The following PDS5A variants were observed in gnomAD, a reference collection of about 807,000 sequenced individuals.
PDS5A encodes sister chromatid cohesion protein PDS5 homolog A.
A neutral mutation model predicts 167.1 loss-of-function variants in PDS5A; 42 were observed. The observed-to-expected ratio is 0.25, with a 90% CI of 0.20 to 0.33. PDS5A has a LOEUF of 0.33. Among genes scored for constraint, PDS5A ranks in the 10% least tolerant of loss-of-function variants. The pLI is 1.00. For missense variants in PDS5A, 1,033 were observed against 1,605.9 expected (o/e 0.64, Z 6.10); for synonymous variants, 553 against 554.6 (o/e 1.00, Z 0.04).
chr4:39,893,614 C>T (rs1388434241), intron 16 of PDS5A, among the ~76,000 whole-genome samples: 3 of 152,208 alleles, frequency 2.0e-5, no homozygotes, highest in South Asian at 4.1e-4. Flanking sequence ...CTTTATTCTT[C>T]TACATCAGAA....
At chr4:39,953,197 C>T (rs1195046495) in intron 2 of PDS5A, among the ~76,000 whole-genome samples, 1 of 152,212 alleles carries the variant, frequency 6.6e-6, no homozygotes, top group East Asian at 1.9e-4. Context: ...TAGGACACAA[C>T]AACCGCTCCA....
intron 13 of PDS5A, 93 bp downstream of exon 13, chr4:39,902,254 G>T: frequency 1.7e-6 from 1 of 596,552 alleles, no homozygotes; most frequent in Non-Finnish European, 3.0e-6. Flanking sequence ...TATAGAAGCA[G>T]CAACAATCCA....
At chr4:39,898,121 A>G (rs1001598366) in intron 16 of PDS5A, 23 of 1,166,416 alleles carry the variant, frequency 2.0e-5, no homozygotes, top group African/African-American at 1.7e-4. Flanking sequence ...TCATTACTCA[A>G]TGAATGTCTA....
intron 2 of PDS5A, among the ~76,000 whole-genome samples, chr4:39,939,454 G>A (rs890303798): frequency 3.3e-5 from 5 of 149,262 alleles, no homozygotes; most frequent in African/African-American, 1.2e-4. Context: ...GCGACAGAGT[G>A]AGACCCTTTC....
At chr4:39,962,339 A>T (rs1333866338) in intron 2 of PDS5A, among the ~76,000 whole-genome samples, 5 of 152,154 alleles carry the variant, frequency 3.3e-5, no homozygotes, top group Non-Finnish European at 4.4e-5. Flanking sequence ...TACAGGCGTA[A>T]GCCACCGCGC....
chr4:39,938,583 TTTTTA>T (rs1303608308), intron 2 of PDS5A, among the ~76,000 whole-genome samples: 1 of 151,682 alleles, frequency 6.6e-6, no homozygotes, highest in Non-Finnish European at 1.5e-5. Flanking sequence ...ATGTCTGAAG[TTTTTA>T]TTTTAACAAC....
chr4:39,867,765 CACACACACA>C (rs1158727642), intron 22 of PDS5A, among the ~76,000 whole-genome samples: 28 of 149,838 alleles, frequency 1.9e-4, no homozygotes, highest in African/African-American at 4.4e-4. Context: ...CACACACACA[CACACACACA>C]CCCCACAACT....
chr4:39,961,872 T>C (rs1293453927), intron 2 of PDS5A, among the ~76,000 whole-genome samples: 1 of 152,214 alleles, frequency 6.6e-6, no homozygotes, highest in African/African-American at 2.4e-5. Flanking sequence ...TTCATACATG[T>C]CAATGTTACT....
chr4:39,878,399 T>A (rs1720653727), intron 18 of PDS5A, among the ~76,000 whole-genome samples: 1 of 151,946 alleles, frequency 6.6e-6, no homozygotes, highest in African/African-American at 2.4e-5. Flanking sequence ...ATCGAGACCA[T>A]CCTGGCTAAC....
At chr4:39,954,131 A>G (rs561412900) in intron 2 of PDS5A, among the ~76,000 whole-genome samples, 2 of 152,054 alleles carry the variant, frequency 1.3e-5, no homozygotes, top group African/African-American at 4.8e-5. Context: ...GCTAGAGCCT[A>G]GGAGTTTGAC....
At chr4:39,934,167 A>C (rs1462912738) in intron 2 of PDS5A, among the ~76,000 whole-genome samples, 5 of 152,120 alleles carry the variant, frequency 3.3e-5, no homozygotes, top group Admixed American at 2.0e-4. Flanking sequence ...CCTACTTAAG[A>C]GCTCCAGGGT....
Position 39,890,295 on chromosome 4 carries a change from G to T in PDS5A, c.1840C>A (p.Leu614Met). The T allele has an allele frequency of 1.3e-6, 2 of 1,583,996 alleles. No homozygotes were observed. Among genetic ancestry groups the T allele is most frequent in the Non-Finnish European group, 1.7e-6 (2 of 1,163,522 alleles). ...TGCACAGGTGCGATTCTTTCCAACA[G>T]AAATTTGACCATCTCTAGAAAAGGA... ...TNPFLEMVKF[L>M]LERIAPVHID... Residue 614 changes from leucine (L) to methionine (M), a missense_variant, in exon 17 of 33, where the codon CTG becomes ATG. Leu to Met is a conservative substitution (Grantham distance 15, BLOSUM62 2). Around this residue, in one of 4 missense-constraint regions of PDS5A, gnomAD observed 367 missense variants for 686.7 expected, o/e 0.53. Transcript: ENST00000303538.
intron 16 of PDS5A, among the ~76,000 whole-genome samples, chr4:39,890,920 A>G (rs1468768436): frequency 6.6e-6 from 1 of 151,952 alleles, no homozygotes; most frequent in East Asian, 2.0e-4. Flanking sequence ...CACCTGGACT[A>G]TGGCAACCTT....
intron 2 of PDS5A, among the ~76,000 whole-genome samples, chr4:39,961,240 A>G (rs1729449900): frequency 6.6e-6 from 1 of 152,154 alleles, no homozygotes; most frequent in African/African-American, 2.4e-5. Context: ...CACTCACTCC[A>G]TTAATTTTAT....
chr4:39,969,858 G>A (rs982316771), intron 2 of PDS5A, among the ~76,000 whole-genome samples: 3 of 151,852 alleles, frequency 2.0e-5, no homozygotes, highest in African/African-American at 7.3e-5. Flanking sequence ...AACAGACACG[G>A]TATCTGTATT....
chr4:39,909,126 T>C (rs941177371), intron 10 of PDS5A, among the ~76,000 whole-genome samples: 5 of 144,418 alleles, frequency 3.5e-5, no homozygotes, highest in Non-Finnish European at 7.8e-5. Flanking sequence ...TTTTAATTTT[T>C]ATTTTTTGTT....
intron 25 of PDS5A, 120 bp from the exon 26 acceptor site, chr4:39,862,453 T>C: frequency 1.9e-6 from 1 of 528,242 alleles, no homozygotes. Flanking sequence ...ACATGATACC[T>C]GGATACTAAA....
chr4:39,949,301 CAAAAAAAA>C lies in PDS5A; in HGVS notation c.139-21145_139-21138del, dbSNP rs71645201. On this transcript the variant is annotated intron_variant, in intron 2 of 32. Transcript: ENST00000303538. Reference sequence around the variant, plus strand: ...TGGATGAAAGAGCAAGAACCTATCTCAAAAAAAAAAAAAAAAAAAAGAACTGATGGTAT... The same window carrying C: ...TGGATGAAAGAGCAAGAACCTATCTCAAAAAAAAAAAAGAACTGATGGTAT... Among the ~76,000 whole-genome samples, 12 of 93,910 alleles carry C rather than the reference CAAAAAAAA, an allele frequency of 1.3e-4. No homozygotes were observed. In the East Asian group the frequency reaches 3.4e-3, roughly 26 times the overall value. 61.6% of individuals were successfully genotyped at this position (93,910 alleles called of 152,430 possible).
At chr4:39,914,720 A>G (rs1724200394) in intron 8 of PDS5A, among the ~76,000 whole-genome samples, 1 of 152,250 alleles carries the variant, frequency 6.6e-6, no homozygotes, top group African/African-American at 2.4e-5. Flanking sequence ...AAGTTATTCT[A>G]AAACCATATG....
Sources: allele counts gnomAD v4.1 joint callset (sites outside exome capture counted in the v4.1 genomes callset), GRCh38; gene constraint gnomAD v4.1.1; regional missense constraint gnomAD v4.1.1; transcripts MANE v1.5; gene names NCBI Gene and HGNC (gene_info 2026-07-23, HGNC 2026-07-21).